Variants in KLF8 observed in about 807,000 individuals in gnomAD.
KLF8 encodes KLF transcription factor 8.
Under a neutral mutation model 18.2 loss-of-function variants are expected in KLF8, and 10 were observed. The ratio of observed to expected loss-of-function variants is 0.55; its 90% CI spans 0.34 to 0.93. The LOEUF is 0.93. Ranked by LOEUF, KLF8 falls within the 40% of genes least tolerant of loss-of-function variation. The probability of loss-of-function intolerance (pLI) is 0.02; values close to 1 mark genes in which losing one functional copy is unlikely to be tolerated. For missense variants in KLF8, 264 were observed against 277.9 expected (o/e 0.95, Z 0.36); for synonymous variants, 109 against 97.3 (o/e 1.12, Z -0.71).
the KLF8 span, among the ~76,000 whole-genome samples, chrX:56,088,287 G>A: frequency 1.8e-5 from 2 of 111,732 alleles, no homozygotes; most frequent in African/African-American, 6.5e-5. Context: ...CACATGGAAT[G>A]AGAACTGGAG....
At chrX:56,125,140 G>A in the KLF8 span, among the ~76,000 whole-genome samples, 2 of 111,978 alleles carry the variant, frequency 1.8e-5, no homozygotes, top group Non-Finnish European at 3.8e-5. Flanking sequence ...TAAAACGTGG[G>A]TGGTGGTACT....
the KLF8 span, among the ~76,000 whole-genome samples, chrX:56,183,856 C>A: frequency 2.7e-5 from 3 of 111,291 alleles, no homozygotes; most frequent in Non-Finnish European, 5.7e-5. Flanking sequence ...CAGAAAACGG[C>A]TCAATGGATA....
the KLF8 span, among the ~76,000 whole-genome samples, chrX:56,150,471 A>G: frequency 8.9e-6 from 1 of 111,920 alleles, no homozygotes; most frequent in Non-Finnish European, 1.9e-5. Flanking sequence ...TGGTATTTAC[A>G]TTAACTCCAG....
chrX:56,096,299 G>C, the KLF8 span, among the ~76,000 whole-genome samples: 1 of 111,002 alleles, frequency 9.0e-6, no homozygotes, highest in East Asian at 2.8e-4. Flanking sequence ...CAAAATATGC[G>C]AGGGTAGGAG....
intron 3 of KLF8, chrX:56,268,854 A>T: frequency 1.1e-6 from 1 of 872,685 alleles, no homozygotes; most frequent in Admixed American, 5.5e-5. Context: ...GGAAGGTTGT[A>T]TCAAGCACCT....
chrX:56,277,636 C>T (rs758904973), intron 5 of KLF8, among the ~76,000 whole-genome samples: 5 of 112,162 alleles, frequency 4.5e-5, no homozygotes, highest in East Asian at 2.8e-4. Flanking sequence ...AGCCAAGAAC[C>T]GCTGTAACCA....
chrX:56,248,505 C>T (rs948890873), intron 1 of KLF8, among the ~76,000 whole-genome samples: 1 of 111,855 alleles, frequency 8.9e-6, no homozygotes, highest in Admixed American at 9.5e-5. Flanking sequence ...TTCCTCAACT[C>T]TGCTGTCTCT....
At chrX:56,090,438 A>G in the KLF8 span, among the ~76,000 whole-genome samples, 2 of 112,162 alleles carry the variant, frequency 1.8e-5, no homozygotes, top group South Asian at 3.7e-4. Context: ...AAACATTAGA[A>G]TCAAACTTAT....
the KLF8 span, among the ~76,000 whole-genome samples, chrX:56,004,050 C>T: frequency 5.3e-5 from 6 of 112,154 alleles, no homozygotes; most frequent in Non-Finnish European, 1.1e-4. Context: ...GAATTATGGG[C>T]CTTATTCCTT....
rs756619580 is a variant in KLF8 at position 56,270,052 on chromosome X, T to C, written c.759-130T>C. 25 of 628,124 alleles carry C rather than the reference T, an allele frequency of 4.0e-5. No homozygotes were observed. In the African/African-American group the frequency reaches 4.5e-4, roughly 11 times the overall value. 51.8% of individuals were successfully genotyped at this position (628,124 alleles called of 1,213,427 possible). ...TTTTTACTATTCCAATTATTTCTTT[T>C]TGGGGGGACCTAGCATTAAATTCAC... On this transcript the variant is annotated intron_variant, in intron 4 of 5. Coordinates refer to ENST00000468660, the MANE Select transcript of KLF8 (RefSeq NM_007250.5).
chrX:56,094,108 A>T, the KLF8 span, among the ~76,000 whole-genome samples: 1 of 110,773 alleles, frequency 9.0e-6, no homozygotes, highest in Non-Finnish European at 1.9e-5. Flanking sequence ...TATTGGTCCA[A>T]CTACATTAAT....
At chrX:56,016,057 T>C in the KLF8 span, among the ~76,000 whole-genome samples, 2 of 112,087 alleles carry the variant, frequency 1.8e-5, no homozygotes, top group Non-Finnish European at 1.9e-5. Flanking sequence ...TTGGAGCATT[T>C]GCTTCTAGAG....
chrX:56,110,911 C>G, the KLF8 span, among the ~76,000 whole-genome samples: 1 of 110,983 alleles, frequency 9.0e-6, no homozygotes, highest in African/African-American at 3.3e-5. Context: ...ATATAGTTAC[C>G]TTTACTGAAG....
the KLF8 span, among the ~76,000 whole-genome samples, chrX:56,170,524 G>C: frequency 7.3e-5 from 8 of 109,486 alleles, no homozygotes; most frequent in South Asian, 3.1e-3. Flanking sequence ...AGAAGTTCTG[G>C]AGCTAAAACA....
At chrX:56,103,194 G>A in the KLF8 span, among the ~76,000 whole-genome samples, 1 of 109,857 alleles carries the variant, frequency 9.1e-6, no homozygotes, top group African/African-American at 3.3e-5. Flanking sequence ...GGCAATGTGG[G>A]CTCTTTTTTG....
chrX:56,259,680 T>G (rs2066858164), intron 2 of KLF8, among the ~76,000 whole-genome samples: 1 of 111,421 alleles, frequency 9.0e-6, no homozygotes, highest in South Asian at 3.8e-4. Flanking sequence ...TATGTAAATA[T>G]CTCTTGTCTC....
At chrX:56,052,876 C>T in the KLF8 span, among the ~76,000 whole-genome samples, 1 of 111,518 alleles carries the variant, frequency 9.0e-6, no homozygotes, top group Non-Finnish European at 1.9e-5. Flanking sequence ...CCTCCTGCGG[C>T]CTTGCAGTTT....
At chrX:56,186,488 A>G in the KLF8 span, among the ~76,000 whole-genome samples, 4 of 111,241 alleles carry the variant, frequency 3.6e-5, no homozygotes, top group Non-Finnish European at 5.7e-5. Context: ...GTTAACAAGT[A>G]TACCCAGGAA....
At chrX:55,997,970 G>A in the KLF8 span, among the ~76,000 whole-genome samples, 1 of 111,820 alleles carries the variant, frequency 8.9e-6, no homozygotes, top group East Asian at 2.8e-4. Context: ...GTTTCTCCGA[G>A]AGGGGGATGT....
Sources: allele counts gnomAD v4.1 joint callset (sites outside exome capture counted in the v4.1 genomes callset), GRCh38; gene constraint gnomAD v4.1.1; transcripts MANE v1.5; gene names NCBI Gene and HGNC (gene_info 2026-07-23, HGNC 2026-07-21).